Variants in AGPAT4 observed in about 807,000 individuals in gnomAD.
AGPAT4 encodes the protein 1-acylglycerol-3-phosphate O-acyltransferase 4.
Under a neutral mutation model 48.0 loss-of-function variants are expected in AGPAT4, and 15 were observed. The ratio of observed to expected loss-of-function variants is 0.31; its 90% confidence interval spans 0.21 to 0.48. AGPAT4 has a LOEUF of 0.48. AGPAT4 is among the 20% of genes least tolerant of loss of function. The pLI, the probability that AGPAT4 is intolerant of heterozygous loss-of-function variation, is 0.99. For synonymous variants in AGPAT4, 178 were observed against 198.7 expected, an observed-to-expected ratio of 0.90 and a Z score of 0.88; for missense variants, 314 against 482.5, an observed-to-expected ratio of 0.65 and a Z score of 3.27.
At chr6:161,250,944 CT>C (rs1782789559) in intron 1 of AGPAT4, among the ~76,000 whole-genome samples, 2 of 152,130 alleles carry the variant, frequency 1.3e-5, no homozygotes, top group South Asian at 4.1e-4. Flanking sequence ...GCCTTTATCC[CT>C]TGCATATTGC....
intron 2 of AGPAT4, among the ~76,000 whole-genome samples, chr6:161,175,732 G>T (rs7767134): frequency 0.02 from 3,029 of 152,148 alleles, 106 homozygotes; most frequent in African/African-American, 0.069. Context: ...TGATGTTAGG[G>T]TGTCAATTTT....
rs1268070441 is a variant in AGPAT4, at chr6:161,189,955, G to A, written c.179-23538C>T. Among the ~76,000 whole-genome samples, 1 of 152,172 alleles carries A rather than the reference G, an allele frequency of 6.6e-6. No individual in the cohort carries two copies. Among genetic ancestry groups the A allele is most frequent in the Non-Finnish European group, 1.5e-5 (1 of 68,036 alleles). ...GATGGCATCCCTTAGTTTAATTGGA[G>A]CATTTCTTTTCCTTTCTTAGAGATG... On this transcript the variant is annotated intron_variant, in intron 2 of 8. Coordinates refer to ENST00000320285, the MANE Select transcript of AGPAT4 (RefSeq NM_020133.3). The surrounding 1 kb of genome is among the most constrained non-coding windows in gnomAD (Gnocchi z 5.3).
Position 161,149,151 on chromosome 6 carries a change from C to A in AGPAT4, c.767+36G>T, listed in dbSNP as rs1242821174. ...TGTGATGTGTTTACTTTGAAATGGG[C>A]ACTGTCTTTTCTGGAAAGGAAACAG... On this transcript the variant is annotated intron_variant, in intron 6 of 8. Transcript: ENST00000320285. This position sits in a 1 kb window ranked among gnomAD's most constrained non-coding sequence, Gnocchi z 6.5. The A allele has an allele frequency of 1.9e-6, 3 of 1,602,540 alleles. No individual in the cohort carries two copies.
In AGPAT4 at chr6:161,244,506, G is replaced by C. The variant is rs1782596359; in HGVS notation, c.-89-12204C>G. On this transcript the variant is annotated intron_variant, in intron 1 of 8. Coordinates refer to ENST00000320285, the MANE Select transcript of AGPAT4 (RefSeq NM_020133.3). This position sits in a 1 kb window ranked among gnomAD's most constrained non-coding sequence, Gnocchi z 4.7. ...GTATTTTCATGTTTAATAACCATTGGGGAAAGGGTTACAAGCGTAATCTTT... is the reference window on the plus strand; with the variant it reads ...GTATTTTCATGTTTAATAACCATTGCGGAAAGGGTTACAAGCGTAATCTTT... Among the ~76,000 whole-genome samples, 1 of 152,106 alleles carries C rather than the reference G, an allele frequency of 6.6e-6. No individual in the cohort carries two copies. The highest frequency in any genetic ancestry group is 1.5e-5 in the Non-Finnish European group (1 of 68,014).
Position 161,140,162 on chromosome 6 carries a change from CCT to C in AGPAT4, c.844-544_844-543del, listed in dbSNP as rs201717251. ...CGGGCAGCCCACCCGCACCTACCAC[CCT>C]GTTTGCCACTGGAGGGCTCTGAGGG... On this transcript the variant is annotated intron_variant, in intron 7 of 8. Coordinates refer to ENST00000320285, the MANE Select transcript of AGPAT4 (RefSeq NM_020133.3). The surrounding 1 kb of genome is among the most constrained non-coding windows in gnomAD (Gnocchi z 6.5). 0.02 allele frequency among the ~76,000 whole-genome samples: 3,054 copies of C among 152,330 alleles called. 45 individuals are homozygous for C. Among genetic ancestry groups the C allele is most frequent in the Admixed American group, 0.037 (567 of 15,308 alleles).
chr6:161,235,205 A>C lies in AGPAT4; in HGVS notation c.-89-2903T>G, dbSNP rs751475795. 1.3e-5 allele frequency among the ~76,000 whole-genome samples: 2 copies of C among 152,122 alleles called. No individual in the cohort carries two copies. Among genetic ancestry groups the C allele is most frequent in the Non-Finnish European group, 2.9e-5 (2 of 68,026 alleles). On this transcript the variant is annotated intron_variant, in intron 1 of 8. Transcript: ENST00000320285. This position sits in a 1 kb window ranked among gnomAD's most constrained non-coding sequence, Gnocchi z 6.2. ...ATTTTGGGCACATTAACTATTCTGC[A>C]CCTCAGTTTTTCTATCAGTAAAAAG... is the stretch of plus-strand genomic sequence containing the variant.
chr6:161,217,689 C>A lies in AGPAT4; in HGVS notation c.178+14347G>T, dbSNP rs568525445. On this transcript the variant is annotated intron_variant, in intron 2 of 8. Coordinates refer to ENST00000320285, the MANE Select transcript of AGPAT4 (RefSeq NM_020133.3). This position sits in a 1 kb window ranked among gnomAD's most constrained non-coding sequence, Gnocchi z 4.9. ...ATCTCATTTATGAACATCATAATTACCCTGGTGAAAGGACTGGCTGGGAGA... is the reference window on the plus strand; with the variant it reads ...ATCTCATTTATGAACATCATAATTAACCTGGTGAAAGGACTGGCTGGGAGA... Among the ~76,000 whole-genome samples, 10 of 152,148 alleles carry A rather than the reference C, an allele frequency of 6.6e-5. No individual in the cohort carries two copies. The highest frequency in any genetic ancestry group is 1.0e-4 in the Non-Finnish European group (7 of 68,012).
rs953243825 is a variant in AGPAT4 at position 161,144,090 on chromosome 6, C to G, written c.843+2434G>C. On this transcript the variant is annotated intron_variant, in intron 7 of 8. Transcript: ENST00000320285. This position sits in a 1 kb window ranked among gnomAD's most constrained non-coding sequence, Gnocchi z 6.6. The stretch of plus-strand genomic sequence containing the variant: ...TAAAGCTTTAGATCTAGGCTCCTAG[C>G]AAAATAGGCTGATACAGAAAGGAAT... 5.7e-6 allele frequency: 3 copies of G among 528,466 alleles called. No homozygotes were observed. The African/African-American group carries it at 5.8e-5, about 10-fold the overall frequency. 32.7% of individuals were successfully genotyped at this position (528,466 alleles called of 1,614,324 possible). A position where few individuals can be genotyped will look rare whatever the true frequency, so the allele number is the denominator to read the frequency against.
Position 161,206,846 on chromosome 6 carries a change from G to T in AGPAT4, c.178+25190C>A, listed in dbSNP as rs144921468. 4.1e-3 allele frequency among the ~76,000 whole-genome samples: 627 copies of T among 152,006 alleles called. 7 individuals carry two copies. Among genetic ancestry groups the T allele is most frequent in the African/African-American group, 0.014 (585 of 41,472 alleles). Reference sequence around the variant, plus strand: ...AAACAAAAAAAGGTTTTCAAAAAAAGAACCAAGTGGAAAAGTAATTGGTCA... The same window carrying T: ...AAACAAAAAAAGGTTTTCAAAAAAATAACCAAGTGGAAAAGTAATTGGTCA... On this transcript the variant is annotated intron_variant, in intron 2 of 8. Coordinates refer to ENST00000320285, the MANE Select transcript of AGPAT4 (RefSeq NM_020133.3). The surrounding 1 kb of genome is among the most constrained non-coding windows in gnomAD (Gnocchi z 4.8).
At position 161,215,182 on chromosome 6, in the gene AGPAT4, T is replaced by C. The variant is rs1448335218; in HGVS notation, c.178+16854A>G. 1.3e-5 allele frequency among the ~76,000 whole-genome samples: 2 copies of C among 152,234 alleles called. No individual in the cohort carries two copies. The highest frequency in any genetic ancestry group is 2.9e-5 in the Non-Finnish European group (2 of 68,044). On this transcript the variant is annotated intron_variant, in intron 2 of 8. Transcript: ENST00000320285. This position sits in a 1 kb window ranked among gnomAD's most constrained non-coding sequence, Gnocchi z 4.5. ...CAAGAGTCTTCACAATTTGGCAAGC[T>C]ACATTAATGACCCTATTTAACTTAT...
chr6:161,194,549 T>C (rs1291209284), intron 2 of AGPAT4, among the ~76,000 whole-genome samples: 2 of 151,728 alleles, frequency 1.3e-5, no homozygotes, highest in Non-Finnish European at 2.9e-5. Flanking sequence ...TGTGTATGTG[T>C]ATGTGTGCAT....
At chr6:161,248,681 G>A (rs1294756627) in intron 1 of AGPAT4, among the ~76,000 whole-genome samples, 3 of 151,360 alleles carry the variant, frequency 2.0e-5, no homozygotes, top group Non-Finnish European at 2.9e-5. Flanking sequence ...ATGACACAAC[G>A]AATGAAGAAA....
At chr6:161,151,873 C>A (rs1562314061) in intron 5 of AGPAT4, among the ~76,000 whole-genome samples, 1 of 152,150 alleles carries the variant, frequency 6.6e-6, no homozygotes, top group Non-Finnish European at 1.5e-5. Flanking sequence ...GGCCCTGGGG[C>A]CCAGGGTCGG....
chr6:161,142,100 T>G lies in AGPAT4; in HGVS notation c.844-2480A>C, dbSNP rs1421654498. On this transcript the variant is annotated intron_variant, in intron 7 of 8. Coordinates refer to ENST00000320285, the MANE Select transcript of AGPAT4 (RefSeq NM_020133.3). The surrounding 1 kb of genome is among the most constrained non-coding windows in gnomAD (Gnocchi z 6.4). ...AACTCCTGACCTCAGGTGATCCTCC[T>G]GCCTCAGCCTCCCAAAGTGTTGGGA... Among the ~76,000 whole-genome samples the G allele has an allele frequency of 6.6e-6, 1 of 152,230 alleles. No individual in the cohort carries two copies. Among genetic ancestry groups the G allele is most frequent in the Non-Finnish European group, 1.5e-5 (1 of 68,044 alleles).
intron 2 of AGPAT4, among the ~76,000 whole-genome samples, chr6:161,203,215 C>T (rs1057320916): frequency 1.8e-4 from 27 of 152,072 alleles, no homozygotes; most frequent in African/African-American, 5.6e-4. Flanking sequence ...ATTAGGTTGT[C>T]GGATTGTAAG....
rs897889284 is a variant in AGPAT4, at chr6:161,159,343, G to A, written c.349-5033C>T. ...CTATGCCAGGCATTATGCAGGTGCC[G>A]AGAACTCAATGCTGGTTATGATTAC... On this transcript the variant is annotated intron_variant, in intron 3 of 8. Coordinates refer to ENST00000320285, the MANE Select transcript of AGPAT4 (RefSeq NM_020133.3). The surrounding 1 kb of genome is among the most constrained non-coding windows in gnomAD (Gnocchi z 4.1). Among the ~76,000 whole-genome samples the A allele has an allele frequency of 4.6e-5, 7 of 152,254 alleles. No homozygotes were observed. The highest frequency in any genetic ancestry group is 3.9e-4 in the East Asian group (2 of 5,164).
At chr6:161,205,984 G>A (rs1375982899) in intron 2 of AGPAT4, among the ~76,000 whole-genome samples, 2 of 152,088 alleles carry the variant, frequency 1.3e-5, no homozygotes, top group African/African-American at 4.8e-5. Context: ...GAAGAAGGCA[G>A]ACCAGCTAGG....
At chr6:161,182,713 G>A (rs995018810) in intron 2 of AGPAT4, among the ~76,000 whole-genome samples, 2 of 152,230 alleles carry the variant, frequency 1.3e-5, no homozygotes, top group African/African-American at 4.8e-5. Context: ...CAAAGAGGGT[G>A]GGCAGCCAGC....
At chr6:161,265,077 GGA>G (rs1245416032) in intron 1 of AGPAT4, among the ~76,000 whole-genome samples, 2 of 152,180 alleles carry the variant, frequency 1.3e-5, no homozygotes, top group African/African-American at 4.8e-5. Context: ...CCTGGTTGGT[GGA>G]CTAGTACCCA....
Sources: allele counts gnomAD v4.1 joint callset (sites outside exome capture counted in the v4.1 genomes callset), GRCh38; gene constraint gnomAD v4.1.1; non-coding constraint Gnocchi (gnomAD v3.1); transcripts MANE v1.5; gene names NCBI Gene and HGNC (gene_info 2026-07-23, HGNC 2026-07-21).